OGFOD1: variants seen among roughly 807,000 people sequenced by gnomAD.
OGFOD1 encodes prolyl 3-hydroxylase OGFOD1.
A neutral mutation model predicts 67.7 loss-of-function variants in OGFOD1; 54 were observed. That is an observed-to-expected ratio of 0.80 (90% CI 0.64 to 1.00). OGFOD1 has a LOEUF of 1.00. Ranked by LOEUF, OGFOD1 falls within the 50% of genes least tolerant of loss-of-function variation. The pLI is 0.00. For missense variants in OGFOD1, 606 were observed against 646.7 expected, an observed-to-expected ratio of 0.94 and a Z score of 0.68; for synonymous variants, 221 against 227.0, an observed-to-expected ratio of 0.97 and a Z score of 0.24.
chr16:56,479,013 T>C lies in OGFOD1; in HGVS notation c.*2808T>C, dbSNP rs909879886. 6.6e-6 allele frequency: 1 copy of C among 152,250 alleles called. No individual in the cohort carries two copies. Among genetic ancestry groups the C allele is most frequent in the Admixed American group, 6.5e-5 (1 of 15,290 alleles). 9.4% of individuals were successfully genotyped at this position (152,250 alleles called of 1,614,324 possible). ...TGCTTTTTAGGGCCTGGGGCCAATG[T>C]CAACAACTCTTAGGTAGCAAAAGAA... On this transcript the variant is annotated 3_prime_UTR_variant, in exon 13 of 13. Transcript: ENST00000566157.
chr16:56,475,166 A>C (rs771923840), intron 11 of OGFOD1, among the ~76,000 whole-genome samples: 1 of 152,222 alleles, frequency 6.6e-6, no homozygotes, highest in Non-Finnish European at 1.5e-5. Context: ...GGGGAGATGG[A>C]CCACACCATA....
At chr16:56,454,652 GGAA>G in intron 2 of OGFOD1, 1 of 319,774 alleles carries the variant, frequency 3.1e-6, no homozygotes, top group Non-Finnish European at 6.0e-6. Context: ...AATTGGGGGG[GGAA>G]AAAAAAAAGA....
chr16:56,463,532 C>T (rs1962799753), intron 4 of OGFOD1, among the ~76,000 whole-genome samples: 1 of 151,514 alleles, frequency 6.6e-6, no homozygotes, highest in Non-Finnish European at 1.5e-5. Context: ...AAGTGATTCT[C>T]CTGCCTCAGC....
intron 2 of OGFOD1, among the ~76,000 whole-genome samples, chr16:56,455,230 G>A (rs1399222094): frequency 1.3e-5 from 2 of 152,086 alleles, no homozygotes; most frequent in Non-Finnish European, 2.9e-5. Context: ...AGCCAGGCGT[G>A]GTGGCACGCC....
rs530690972 is a variant in OGFOD1 at position 56,453,329 on chromosome 16, A to G, written c.221A>G (p.Asp74Gly). The change falls in exon 2 of 13, where the codon GAC becomes GGC. Residue 74 changes from aspartate to glycine, a missense_variant. Coordinates refer to ENST00000566157, the MANE Select transcript of OGFOD1 (RefSeq NM_018233.4). ...ATCCCAAACTTCATCCAAAGCCAAG[A>G]CTTCTTAGAAGGGCTTCAGAAGGAA... ...CVIPNFIQSQDFLEGLQKELM... is the reference protein window; with the variant it reads ...CVIPNFIQSQGFLEGLQKELM... The G allele has an allele frequency of 1.2e-6, 2 of 1,614,112 alleles. No homozygotes were observed. The highest frequency in any genetic ancestry group is 1.7e-6 in the Non-Finnish European group (2 of 1,179,984).
intron 3 of OGFOD1, chr16:56,458,942 A>C (rs1567546397): frequency 1.9e-5 from 5 of 268,088 alleles, no homozygotes; most frequent in Non-Finnish European, 2.9e-5. Flanking sequence ...ATAGATAGAT[A>C]ACTTTATACA....
At chr16:56,455,217 A>C (rs1962484758) in intron 2 of OGFOD1, among the ~76,000 whole-genome samples, 1 of 152,222 alleles carries the variant, frequency 6.6e-6, no homozygotes, top group East Asian at 1.9e-4. Flanking sequence ...AATACAAAAA[A>C]TTAGCCAGGC....
intron 10 of OGFOD1, among the ~76,000 whole-genome samples, chr16:56,471,485 G>A (rs1963182730): frequency 6.6e-6 from 1 of 152,074 alleles, no homozygotes. Context: ...GAATTTAAGA[G>A]GTAACACTCC....
chr16:56,463,986 G>A (rs1300216910), intron 4 of OGFOD1, among the ~76,000 whole-genome samples: 2 of 151,916 alleles, frequency 1.3e-5, no homozygotes, highest in Admixed American at 6.6e-5. Context: ...TCATTATTTG[G>A]TCCTTTATAG....
At chr16:56,466,124 A>G (rs1278166422) in intron 4 of OGFOD1, 28 bp from the exon 5 acceptor site, 2 of 1,526,832 alleles carry the variant, frequency 1.3e-6, no homozygotes, top group African/African-American at 2.7e-5. Context: ...ATCTGCAGGG[A>G]TCTAAGGTGT....
Position 56,453,360 on chromosome 16 carries a change from G to A in OGFOD1, c.252G>A (p.Met84Ile). The A allele has an allele frequency of 1.2e-6, 2 of 1,614,018 alleles. No homozygotes were observed. Among genetic ancestry groups the A allele is most frequent in the South Asian group, 2.2e-5 (2 of 91,048 alleles). ...TAGAAGGGCTTCAGAAGGAACTGAT[G>A]AACTTGGACTTCCATGAGAAGTATA... ...DFLEGLQKEL[M>I]NLDFHEKYND... The change falls in exon 2 of 13, where the codon ATG (methionine) becomes ATA (isoleucine). Residue 84 changes from methionine to isoleucine, a missense_variant. Physicochemically the swap from Met to Ile is conservative, Grantham distance 10. Coordinates refer to ENST00000566157, the MANE Select transcript of OGFOD1 (RefSeq NM_018233.4).
chr16:56,478,788 A>G lies in OGFOD1; in HGVS notation c.*2583A>G, dbSNP rs1234590732. 3.3e-5 allele frequency: 5 copies of G among 152,214 alleles called. No individual in the cohort carries two copies. The highest frequency in any genetic ancestry group is 1.2e-4 in the African/African-American group (5 of 41,446). 9.4% of individuals were successfully genotyped at this position (152,214 alleles called of 1,614,324 possible). ...CACATAATCATCTTTTATACACTAC[A>G]AAAAGGGACTCGGGTGTCTGAGGGG... On this transcript the variant is annotated 3_prime_UTR_variant, in exon 13 of 13. Transcript: ENST00000566157.
rs139115548 is a variant in OGFOD1 at position 56,466,205 on chromosome 16, C to A, written c.502C>A (p.Leu168Met). ...GGAAGGGCGCCGGATTGCCTTCATC[C>A]TGTACCTGGTTCCTCCCTGGGACAG... Reference protein sequence around the residue: ...ELEGRRIAFILYLVPPWDRSM... With the variant: ...ELEGRRIAFIMYLVPPWDRSM... Residue 168 changes from leucine to methionine, a missense_variant, in exon 5 of 13, where the codon CTG (leucine) becomes ATG (methionine). Leu to Met is a conservative substitution (Grantham distance 15, BLOSUM62 2). Coordinates refer to ENST00000566157, the MANE Select transcript of OGFOD1 (RefSeq NM_018233.4). 1.2e-6 allele frequency: 2 copies of A among 1,614,146 alleles called. No individual in the cohort carries two copies. The highest frequency in any genetic ancestry group is 1.7e-6 in the Non-Finnish European group (2 of 1,179,992).
Position 56,476,439 on chromosome 16 carries a change from T to A in OGFOD1, c.*234T>A. 2.9e-6 allele frequency: 1 copy of A among 343,624 alleles called. No individual in the cohort carries two copies. The highest frequency in any genetic ancestry group is 5.2e-6 in the Non-Finnish European group (1 of 193,572). The allele number at this position is 343,624 out of a possible 1,614,324, so 21.3% of individuals were successfully genotyped here. A position where few individuals can be genotyped will look rare whatever the true frequency, so the allele number is the denominator to read the frequency against. On this transcript the variant is annotated 3_prime_UTR_variant, in exon 13 of 13. Coordinates refer to ENST00000566157, the MANE Select transcript of OGFOD1 (RefSeq NM_018233.4). ...AAGTTGGCTTTTTTTTTTTTAACAT[T>A]TAGTCCTTTTTCCATATTGGCTTCT...
intron 10 of OGFOD1, among the ~76,000 whole-genome samples, chr16:56,474,562 T>C (rs546273763): frequency 2.0e-5 from 3 of 152,136 alleles, no homozygotes; most frequent in Admixed American, 2.0e-4. Flanking sequence ...TCAGGTGATC[T>C]GCCCACCTCA....
At position 56,478,618 on chromosome 16, in the gene OGFOD1, A is replaced by ATAGTT. The variant is rs1362514312; in HGVS notation, c.*2415_*2419dup. The stretch of plus-strand genomic sequence containing the variant: ...CTGTCATGTGTGCCAAGCTTGGAAA[A>ATAGTT]TAGTTTGAGACTCATGGCTGTAGGC... On this transcript the variant is annotated 3_prime_UTR_variant, in exon 13 of 13. Transcript: ENST00000566157. 1.3e-5 allele frequency: 2 copies of ATAGTT among 152,184 alleles called. No individual in the cohort carries two copies. Among genetic ancestry groups the ATAGTT allele is most frequent in the South Asian group, 4.1e-4 (2 of 4,830 alleles). The allele number at this position is 152,184 out of a possible 1,614,324, so 9.4% of individuals were successfully genotyped here.
chr16:56,462,106 G>GA (rs1356511933), intron 3 of OGFOD1, among the ~76,000 whole-genome samples: 2 of 149,436 alleles, frequency 1.3e-5, no homozygotes, highest in African/African-American at 4.9e-5. Context: ...AAAAAAAAAA[G>GA]AAAGAAAAGA....
At chr16:56,456,415 GT>G (rs780097551) in intron 2 of OGFOD1, among the ~76,000 whole-genome samples, 27 of 152,118 alleles carry the variant, frequency 1.8e-4, no homozygotes, top group Admixed American at 1.8e-3. Flanking sequence ...TGACACTTAA[GT>G]TCAAAACTAA....
In OGFOD1 at chr16:56,477,919, T is replaced by G. The variant is rs1963549729; in HGVS notation, c.*1714T>G. 6.6e-6 allele frequency: 1 copy of G among 152,214 alleles called. No individual in the cohort carries two copies. Among genetic ancestry groups the G allele is most frequent in the Non-Finnish European group, 1.5e-5 (1 of 68,036 alleles). 9.4% of individuals were successfully genotyped at this position (152,214 alleles called of 1,614,324 possible). ...TGACTTTCGCTTTGGCTTTTAGGTT[T>G]AGTTTCAAAAAGGTTTAATTCTGCA... On this transcript the variant is annotated 3_prime_UTR_variant, in exon 13 of 13. Coordinates refer to ENST00000566157, the MANE Select transcript of OGFOD1 (RefSeq NM_018233.4).
Sources: gnomAD v4.1 joint callset for allele counts (sites outside exome capture counted in the v4.1 genomes callset) on GRCh38, gnomAD v4.1.1 for gene constraint, MANE v1.5 for transcripts, NCBI Gene and HGNC (gene_info 2026-07-23, HGNC 2026-07-21) for gene names.